Variants in LRMDA observed in about 807,000 individuals in gnomAD.
The protein encoded by LRMDA is leucine rich melanocyte differentiation associated, also known as leucine-rich melanocyte differentiation-associated protein.
Under a neutral mutation model 29.8 loss-of-function variants are expected in LRMDA, and 18 were observed. The ratio of observed to expected loss-of-function variants is 0.60; its 90% CI spans 0.42 to 0.90. The LOEUF is 0.90. LRMDA is among the 40% of genes least tolerant of loss of function. The pLI is 0.00. For missense variants in LRMDA, 273 were observed against 273.9 expected (o/e 1.00, Z 0.02); for synonymous variants, 125 against 109.4 (o/e 1.14, Z -0.89).
chr10:76,553,678 T>C (rs761445359), intron 6 of LRMDA, among the ~76,000 whole-genome samples: 4 of 152,206 alleles, frequency 2.6e-5, no homozygotes, highest in Non-Finnish European at 5.9e-5. Flanking sequence ...ATTTTATTTA[T>C]TTATTTTTGA....
At chr10:76,075,150 C>G (rs560171661) in intron 5 of LRMDA, among the ~76,000 whole-genome samples, 1 of 152,316 alleles carries the variant, frequency 6.6e-6, no homozygotes, top group East Asian at 1.9e-4. Context: ...TGTGCACTGA[C>G]CTGTGTCCGC....
chr10:76,098,949 G>A (rs550089713), intron 5 of LRMDA, among the ~76,000 whole-genome samples: 1 of 152,322 alleles, frequency 6.6e-6, no homozygotes, highest in African/African-American at 2.4e-5. Flanking sequence ...AGGGCTACCA[G>A]ATGAGCCAGT....
chr10:76,116,755 G>A (rs1849673715), intron 5 of LRMDA, among the ~76,000 whole-genome samples: 1 of 152,104 alleles, frequency 6.6e-6, no homozygotes, highest in East Asian at 1.9e-4. Flanking sequence ...AGTCCTGAGG[G>A]TAGCCATTTT....
At chr10:76,499,544 A>G (rs1589215964) in intron 6 of LRMDA, among the ~76,000 whole-genome samples, 1 of 75,316 alleles carries the variant, frequency 1.3e-5, no homozygotes, top group East Asian at 2.5e-4. Flanking sequence ...TTTATTTTTA[A>G]CCTTTCATTT....
intron 2 of LRMDA, among the ~76,000 whole-genome samples, chr10:76,025,900 A>G (rs949846100): frequency 6.6e-6 from 1 of 152,194 alleles, no homozygotes; most frequent in African/African-American, 2.4e-5. Context: ...GTAGGGGACT[A>G]TTGCACAGTC....
chr10:75,568,591 A>T (rs1267800508), intron 2 of LRMDA, among the ~76,000 whole-genome samples: 1 of 152,188 alleles, frequency 6.6e-6, no homozygotes, highest in Non-Finnish European at 1.5e-5. Flanking sequence ...TGCCTCTTCT[A>T]CTAACTAGCT....
intron 5 of LRMDA, among the ~76,000 whole-genome samples, chr10:76,298,835 C>T (rs919944129): frequency 1.3e-5 from 2 of 152,134 alleles, no homozygotes; most frequent in African/African-American, 4.8e-5. Context: ...ATCCTCTCTT[C>T]TCTCCATCAT....
chr10:76,141,153 A>G (rs886362670), intron 5 of LRMDA, among the ~76,000 whole-genome samples: 6 of 152,014 alleles, frequency 3.9e-5, no homozygotes, highest in African/African-American at 1.4e-4. Context: ...GCAGGCTCAA[A>G]CTTTCAGAAG....
chr10:75,940,811 G>T (rs1846378748), intron 2 of LRMDA, among the ~76,000 whole-genome samples: 2 of 152,100 alleles, frequency 1.3e-5, no homozygotes, highest in Non-Finnish European at 2.9e-5. Flanking sequence ...TGTTGAGGGG[G>T]TGTTTGAAAT....
intron 2 of LRMDA, among the ~76,000 whole-genome samples, chr10:75,856,579 C>T (rs1310939714): frequency 6.6e-6 from 1 of 152,150 alleles, no homozygotes; most frequent in Non-Finnish European, 1.5e-5. Context: ...CAATGACAAA[C>T]ACCATATGAT....
chr10:76,279,166 C>T (rs1361279923), intron 5 of LRMDA, among the ~76,000 whole-genome samples: 4 of 152,124 alleles, frequency 2.6e-5, no homozygotes, highest in Admixed American at 2.0e-4. Flanking sequence ...TACAGTAACA[C>T]TAAATTGCAG....
chr10:76,037,941 C>T (rs556669475), intron 3 of LRMDA, among the ~76,000 whole-genome samples: 29 of 152,266 alleles, frequency 1.9e-4, no homozygotes, highest in African/African-American at 7.0e-4. Context: ...CAGTCTTTGT[C>T]ATAATGAAAT....
intron 5 of LRMDA, among the ~76,000 whole-genome samples, chr10:76,220,094 A>T: frequency 6.6e-6 from 1 of 152,212 alleles, no homozygotes; most frequent in Non-Finnish European, 1.5e-5. Context: ...AACATACCAG[A>T]ATCTCTGGGA....
In LRMDA at chr10:76,522,877, G is replaced by A. The variant is rs181356099; in HGVS notation, c.602-34332G>A. Reference sequence around the variant, plus strand: ...TCCTTAGTTGTAAGCCGCCTGAGCAGTTATATTATAAATGGGTAATTTACC... The same window carrying A: ...TCCTTAGTTGTAAGCCGCCTGAGCAATTATATTATAAATGGGTAATTTACC... On this transcript the variant is annotated intron_variant, in intron 6 of 6. Transcript: ENST00000611255. Among the ~76,000 whole-genome samples, 33 of 152,246 alleles carry A rather than the reference G, an allele frequency of 2.2e-4. 1 individual carries two copies. In the East Asian group the frequency reaches 6.2e-3, roughly 29 times the overall value.
In LRMDA at chr10:76,496,302, C is replaced by G. The variant is rs1192595509; in HGVS notation, c.602-60907C>G. Among the ~76,000 whole-genome samples, 2 of 75,782 alleles carry G rather than the reference C, an allele frequency of 2.6e-5. 1 individual carries two copies. 49.7% of individuals were successfully genotyped at this position (75,782 alleles called of 152,430 possible). On this transcript the variant is annotated intron_variant, in intron 6 of 6. Transcript: ENST00000611255. The stretch of plus-strand genomic sequence containing the variant: ...TGACTAGTATTCAGCTGAAGACTTG[C>G]AGGTAACTCTCTGCAACTTTCCAGA...
At chr10:76,309,179 A>G (rs1416914333) in intron 5 of LRMDA, among the ~76,000 whole-genome samples, 1 of 152,016 alleles carries the variant, frequency 6.6e-6, no homozygotes, top group Non-Finnish European at 1.5e-5. Context: ...ATGGGCGGGG[A>G]CTCTGAATTA....
chr10:76,053,514 TGGC>T (rs1848563448), intron 4 of LRMDA, among the ~76,000 whole-genome samples: 1 of 133,016 alleles, frequency 7.5e-6, no homozygotes, highest in African/African-American at 2.6e-5. Flanking sequence ...TGTATTTTTA[TGGC>T]AAACTTGTAT....
At chr10:75,699,841 A>G (rs1842283415) in intron 2 of LRMDA, among the ~76,000 whole-genome samples, 1 of 152,220 alleles carries the variant, frequency 6.6e-6, no homozygotes, top group Non-Finnish European at 1.5e-5. Flanking sequence ...TGGGACCCAG[A>G]TACAATCCCA....
intron 6 of LRMDA, among the ~76,000 whole-genome samples, chr10:76,328,530 T>C (rs1840864829): frequency 1.3e-5 from 2 of 152,194 alleles, no homozygotes; most frequent in Non-Finnish European, 2.9e-5. Context: ...CCCTTAATTC[T>C]CAGGTCCCCC....
Sources: allele counts gnomAD v4.1 joint callset (sites outside exome capture counted in the v4.1 genomes callset), GRCh38; gene constraint gnomAD v4.1.1; transcripts MANE v1.5; gene names NCBI Gene and HGNC (gene_info 2026-07-23, HGNC 2026-07-21).